Variants in GFRA1 observed in about 807,000 individuals in gnomAD.
GFRA1 encodes the protein GDNF family receptor alpha-1.
GFRA1 carries 16 observed loss-of-function variants against 51.6 expected under a neutral mutation model. That is an observed-to-expected ratio of 0.31 (90% CI 0.21 to 0.47). GFRA1 has a LOEUF of 0.47. Among genes scored for constraint, GFRA1 ranks in the 20% least tolerant of loss-of-function variants. The pLI is 1.00. For missense variants in GFRA1, 530 were observed against 594.3 expected (o/e 0.89, Z 1.13); for synonymous variants, 270 against 241.3 (o/e 1.12, Z -1.10).
rs1954861078 is a variant in GFRA1, at chr10:116,062,437, AAGTC to A, written c.*1957_*1960del. Reference sequence around the variant, plus strand: ...CCTTGAAAACATTTTGAAGTGAAAAAAGTCAGTACTGAGTACTGTACATTTGTGT... The same window carrying A: ...CCTTGAAAACATTTTGAAGTGAAAAAAGTACTGAGTACTGTACATTTGTGT... On this transcript the variant is annotated 3_prime_UTR_variant, in exon 11 of 11. Transcript: ENST00000355422. The A allele has an allele frequency of 3.7e-6, 1 of 266,792 alleles. No homozygotes were observed. Among genetic ancestry groups the A allele is most frequent in the East Asian group, 6.6e-5 (1 of 15,184 alleles). The allele number at this position is 266,792 out of a possible 1,614,324, so 16.5% of individuals were successfully genotyped here.
At chr10:116,168,200 TTTA>T (rs1488321211) in intron 5 of GFRA1, among the ~76,000 whole-genome samples, 2 of 152,048 alleles carry the variant, frequency 1.3e-5, no homozygotes, top group East Asian at 3.9e-4. Flanking sequence ...TCAACAATCA[TTTA>T]TTGAGGACCT....
chr10:116,167,992 CG>C (rs1393069200), intron 5 of GFRA1, among the ~76,000 whole-genome samples: 3 of 152,000 alleles, frequency 2.0e-5, no homozygotes, highest in African/African-American at 7.2e-5. Flanking sequence ...ATATTGGGTA[CG>C]GTGTACACTG....
chr10:116,214,748 G>A (rs1189684295), intron 4 of GFRA1, among the ~76,000 whole-genome samples: 2 of 152,196 alleles, frequency 1.3e-5, no homozygotes, highest in African/African-American at 2.4e-5. Context: ...CCTCTGCGTG[G>A]TTTTGACAAG....
rs113593118 is a variant in GFRA1, at chr10:116,098,350, G to A, written c.771-1586C>T. On this transcript the variant is annotated intron_variant, in intron 6 of 10. Coordinates refer to ENST00000355422, the MANE Select transcript of GFRA1 (RefSeq NM_005264.8). ...TTGCTGGTGTTTCCTGACTTTAATT[G>A]AACACACTGAAAGATATAAAACCTG... Among the ~76,000 whole-genome samples, 1,254 of 152,292 alleles carry A rather than the reference G, an allele frequency of 8.2e-3. 10 individuals are homozygous for A. Among genetic ancestry groups the A allele is most frequent in the Non-Finnish European group, 0.014 (933 of 68,028 alleles).
At position 116,125,227 on chromosome 10, in the gene GFRA1, A is replaced by T; in HGVS notation, c.764T>A (p.Ile255Asn). The T allele has an allele frequency of 6.2e-7, 1 of 1,613,536 alleles. No homozygotes were observed. Among genetic ancestry groups the T allele is most frequent in the Middle Eastern group, 1.7e-4 (1 of 6,060 alleles). ...GCTGCCAGTGCCCACTTACCTGCAG[A>T]TGTAATTCGTCTTGCAGGAGTCCTG... ...NLQDSCKTNYICRSRLADFFT... is the reference protein window; with the variant it reads ...NLQDSCKTNYNCRSRLADFFT... Residue 255 changes from isoleucine to asparagine, a missense_variant, in exon 6 of 11, where the codon ATC becomes AAC. Transcript: ENST00000355422.
intron 4 of GFRA1, among the ~76,000 whole-genome samples, chr10:116,242,333 A>T (rs1967458581): frequency 6.6e-6 from 1 of 152,220 alleles, no homozygotes; most frequent in Non-Finnish European, 1.5e-5. Context: ...TGTGACCATA[A>T]GCAGAGATAC....
chr10:116,089,071 G>A (rs1341922901), intron 9 of GFRA1, among the ~76,000 whole-genome samples: 5 of 151,982 alleles, frequency 3.3e-5, no homozygotes, highest in Admixed American at 1.3e-4. Context: ...CTGAAGACAG[G>A]AAATCACCAC....
intron 9 of GFRA1, among the ~76,000 whole-genome samples, 161 bp from the exon 10 acceptor site, chr10:116,065,787 A>G (rs1003091117): frequency 6.6e-6 from 1 of 152,220 alleles, no homozygotes; most frequent in South Asian, 2.1e-4. Context: ...CATGTAATAA[A>G]GAGATATCAG....
At position 116,150,783 on chromosome 10, in the gene GFRA1, G is replaced by A. The variant is rs369746216; in HGVS notation, c.434-25226C>T. On this transcript the variant is annotated intron_variant, in intron 5 of 10. Transcript: ENST00000355422. ...AAAATGTAGCATCCCTACACGTGAT[G>A]TTAACATTGTTCCCGAACAGTTGTT... 3.9e-5 allele frequency among the ~76,000 whole-genome samples: 6 copies of A among 152,190 alleles called. No homozygotes were observed. The East Asian group carries it at 1.2e-3, about 29-fold the overall frequency.
At chr10:116,230,007 T>G (rs143389053) in intron 4 of GFRA1, among the ~76,000 whole-genome samples, 343 of 152,278 alleles carry the variant, frequency 2.3e-3, no homozygotes, top group African/African-American at 8.1e-3. Context: ...GTGTCTTTGA[T>G]TCAAGCTTCC....
intron 2 of GFRA1, among the ~76,000 whole-genome samples, chr10:116,271,629 A>C: frequency 6.6e-6 from 1 of 152,072 alleles, no homozygotes; most frequent in East Asian, 1.9e-4. Flanking sequence ...TTCTCTTCCA[A>C]GTTTGCTCTC....
At chr10:116,078,848 A>G (rs954954109) in intron 9 of GFRA1, among the ~76,000 whole-genome samples, 2 of 152,180 alleles carry the variant, frequency 1.3e-5, no homozygotes, top group African/African-American at 4.8e-5. Flanking sequence ...AGGCAATGGT[A>G]TCCACGTTGC....
At chr10:116,266,533 A>G (rs1174615885) in intron 4 of GFRA1, among the ~76,000 whole-genome samples, 1 of 152,216 alleles carries the variant, frequency 6.6e-6, no homozygotes, top group African/African-American at 2.4e-5. Context: ...TCAGAGGTCA[A>G]ATCACATTAG....
Position 116,134,792 on chromosome 10 carries a change from T to C in GFRA1, c.434-9235A>G, listed in dbSNP as rs535370677. Among the ~76,000 whole-genome samples, 19 of 152,338 alleles carry C rather than the reference T, an allele frequency of 1.2e-4. No homozygotes were observed. In the East Asian group the frequency reaches 3.5e-3, roughly 28 times the overall value. On this transcript the variant is annotated intron_variant, in intron 5 of 10. Transcript: ENST00000355422. ...AGTTCCCCTTGTTAACCACAAGTCA[T>C]GGGCTAGCCTTATCCATTAGCGCTT...
chr10:116,193,233 G>A (rs1963428601), intron 5 of GFRA1, among the ~76,000 whole-genome samples: 1 of 152,056 alleles, frequency 6.6e-6, no homozygotes, highest in African/African-American at 2.4e-5. Flanking sequence ...GCAAACAGCG[G>A]GTTTGGAAAA....
At chr10:116,218,871 T>C (rs1965740712) in intron 4 of GFRA1, among the ~76,000 whole-genome samples, 1 of 152,176 alleles carries the variant, frequency 6.6e-6, no homozygotes, top group Non-Finnish European at 1.5e-5. Context: ...CCGGAGAAAG[T>C]TCTCTCGTTT....
At chr10:116,266,970 A>C (rs1007962333) in intron 4 of GFRA1, among the ~76,000 whole-genome samples, 4 of 152,168 alleles carry the variant, frequency 2.6e-5, no homozygotes, top group Non-Finnish European at 5.9e-5. Flanking sequence ...CTGAGAGGGA[A>C]AATGAGTGTA....
chr10:116,174,171 T>C (rs1168668750), intron 5 of GFRA1, among the ~76,000 whole-genome samples: 1 of 152,170 alleles, frequency 6.6e-6, no homozygotes, highest in African/African-American at 2.4e-5. Flanking sequence ...TGCTTTGCCC[T>C]TTCTCTGCAA....
chr10:116,154,804 G>A (rs1959170283), intron 5 of GFRA1, among the ~76,000 whole-genome samples: 1 of 152,176 alleles, frequency 6.6e-6, no homozygotes, highest in South Asian at 2.1e-4. Flanking sequence ...AGAGAGGAAT[G>A]GGTATCTGCC....
Sources: allele counts gnomAD v4.1 joint callset (sites outside exome capture counted in the v4.1 genomes callset), GRCh38; gene constraint gnomAD v4.1.1; transcripts MANE v1.5; gene names NCBI Gene and HGNC (gene_info 2026-07-23, HGNC 2026-07-21).